TPP2: variants seen among roughly 807,000 people sequenced by gnomAD.
TPP2 encodes tripeptidyl-peptidase 2.
TPP2 carries 34 observed loss-of-function variants against 155.9 expected under a neutral mutation model. The ratio of observed to expected loss-of-function variants is 0.22; its 90% CI spans 0.17 to 0.29. The LOEUF (loss-of-function observed/expected upper bound fraction) is 0.29. TPP2 is among the 10% of genes least tolerant of loss of function. The probability of loss-of-function intolerance (pLI) is 1.00; values close to 1 mark genes in which losing one functional copy is unlikely to be tolerated. For synonymous variants in TPP2, 510 were observed against 529.4 expected (o/e 0.96, Z 0.50); for missense variants, 1,028 against 1,522.3 (o/e 0.68, Z 5.40).
At chr13:102,639,412 G>C (rs896186339) in intron 15 of TPP2, among the ~76,000 whole-genome samples, 2 of 152,138 alleles carry the variant, frequency 1.3e-5, no homozygotes, top group Admixed American at 6.6e-5. Flanking sequence ...GAAAAATTGT[G>C]CAACAGTTAA....
intron 27 of TPP2, among the ~76,000 whole-genome samples, chr13:102,673,261 C>T (rs10508093): frequency 0.08 from 12,186 of 152,154 alleles, 670 homozygotes; most frequent in African/African-American, 0.16. Flanking sequence ...TTTCCTACTG[C>T]GGATCCTTGT....
At chr13:102,669,737 A>G (rs1884844072) in intron 27 of TPP2, among the ~76,000 whole-genome samples, 1 of 149,384 alleles carries the variant, frequency 6.7e-6, no homozygotes, top group Non-Finnish European at 1.5e-5. Flanking sequence ...TGGTGGAAAC[A>G]TTGATGCGAA....
chr13:102,617,107 G>C lies in TPP2; in HGVS notation c.495+607G>C, dbSNP rs550440745. Among the ~76,000 whole-genome samples the C allele has an allele frequency of 1.4e-4, 21 of 151,690 alleles. No individual in the cohort carries two copies. In the South Asian group the frequency reaches 4.2e-3, roughly 30 times the overall value. ...TTTTTTGCATTTTTAGTAGAGACAG[G>C]GTTTCACCGTGTTGGCCAGGCTGGT... On this transcript the variant is annotated intron_variant, in intron 4 of 29. Coordinates refer to ENST00000376052, the MANE Select transcript of TPP2 (RefSeq NM_001330588.2).
intron 1 of TPP2, 22 bp downstream of exon 1, chr13:102,597,225 C>CGGGCGCGG (rs1233936909): frequency 1.9e-5 from 25 of 1,330,928 alleles, no homozygotes; most frequent in East Asian, 6.0e-5. Flanking sequence ...CCCGAGGGCC[C>CGGGCGCGG]GGGCGCGGGG....
chr13:102,598,544 G>C (rs979417557), intron 1 of TPP2, among the ~76,000 whole-genome samples: 1 of 152,150 alleles, frequency 6.6e-6, no homozygotes, highest in Admixed American at 6.5e-5. Context: ...AGTTGTCGTT[G>C]TATTAATAAC....
intron 14 of TPP2, among the ~76,000 whole-genome samples, chr13:102,637,453 A>G (rs1330662438): frequency 1.3e-5 from 2 of 152,200 alleles, no homozygotes; most frequent in Admixed American, 6.5e-5. Flanking sequence ...TGAATAAGTA[A>G]AAGGAAAGAA....
chr13:102,657,389 A>G lies in TPP2; in HGVS notation c.3143+182A>G, dbSNP rs1220412512. 2.0e-5 allele frequency among the ~76,000 whole-genome samples: 3 copies of G among 151,826 alleles called. No individual in the cohort carries two copies. In the East Asian group the frequency reaches 5.8e-4, roughly 29 times the overall value. ...TGTAATTTATTTAAATTATAAATAT[A>G]TAATTTTGTGATTAAATGTTTTAAT... is the stretch of plus-strand genomic sequence containing the variant. On this transcript the variant is annotated intron_variant, in intron 25 of 29. Transcript: ENST00000376052.
In TPP2 at chr13:102,643,280, C is replaced by T; in HGVS notation, c.2079C>T (p.Val693=). Residue 693 remains valine (V), a synonymous_variant, in exon 17 of 30, where the codon GTC becomes GTT. Transcript: ENST00000376052. ...CAGCAAAGTTTGTTCTACATGCAGT[C>T]CAGCTTGTGAAGCAAAGAGCATATC... ...EVSAKFVLHA[V]QLVKQRAYRS... is the part of the protein sequence containing the mutation. The T allele has an allele frequency of 1.2e-6, 2 of 1,612,260 alleles. No individual in the cohort carries two copies. Among genetic ancestry groups the T allele is most frequent in the South Asian group, 1.1e-5 (1 of 90,788 alleles).
chr13:102,616,708 G>A (rs1165175959), intron 4 of TPP2, among the ~76,000 whole-genome samples: 2 of 152,022 alleles, frequency 1.3e-5, no homozygotes, highest in Admixed American at 6.5e-5. Context: ...CATAATACAC[G>A]TAGGGTAAAA....
Position 102,663,729 on chromosome 13 carries a change from A to G in TPP2, c.3225A>G (p.Gln1075=), listed in dbSNP as rs1430859407. The G allele has an allele frequency of 5.0e-6, 8 of 1,600,518 alleles. No homozygotes were observed. Among genetic ancestry groups the G allele is most frequent in the African/African-American group, 1.3e-5 (1 of 74,244 alleles). Reference sequence around the variant, plus strand: ...CTCTGTACGTTGCACGACTTCATCAATTGGATGCTGAAAAGGTTAGACATG... The same window carrying G: ...CTCTGTACGTTGCACGACTTCATCAGTTGGATGCTGAAAAGGTTAGACATG... ...YLPLYVARLH[Q]LDAEKERMKR... Residue 1075 remains glutamine, a synonymous_variant, in exon 26 of 30, where the codon CAA becomes CAG. Coordinates refer to ENST00000376052, the MANE Select transcript of TPP2 (RefSeq NM_001330588.2).
intron 17 of TPP2, among the ~76,000 whole-genome samples, chr13:102,643,781 TTCATGTCTAAG>T (rs1176340602): frequency 6.6e-6 from 1 of 152,234 alleles, no homozygotes; most frequent in African/African-American, 2.4e-5. Flanking sequence ...CTGCTACTGC[TTCATGTCTAAG>T]TTATCTCAGA....
intron 1 of TPP2, among the ~76,000 whole-genome samples, chr13:102,601,481 A>C (rs1879425155): frequency 6.6e-6 from 1 of 152,132 alleles, no homozygotes; most frequent in African/African-American, 2.4e-5. Context: ...GAAGACATAC[A>C]CTAACTTAGA....
chr13:102,645,448 C>T (rs1477903349), intron 19 of TPP2, among the ~76,000 whole-genome samples: 1 of 152,200 alleles, frequency 6.6e-6, no homozygotes, highest in Admixed American at 6.5e-5. Context: ...GGCACCTTGA[C>T]CTGTGTTCAC....
rs1359301339 is a variant in TPP2, at chr13:102,597,229, C to T, written c.165+26C>T. On this transcript the variant is annotated intron_variant, in intron 1 of 29. Coordinates refer to ENST00000376052, the MANE Select transcript of TPP2 (RefSeq NM_001330588.2). ...GTGAGGCGGCCCCCGAGGGCCCGGG[C>T]GCGGGGGCGCGGGCGGCCGGGGACG... The T allele has an allele frequency of 6.2e-6, 8 of 1,294,792 alleles. No individual in the cohort carries two copies. The African/African-American group carries it at 6.2e-5, about 10-fold the overall frequency. The allele number at this position is 1,294,792 out of a possible 1,614,324, so 80.2% of individuals were successfully genotyped here.
chr13:102,599,296 A>G (rs1303981861), intron 1 of TPP2, among the ~76,000 whole-genome samples: 1 of 152,272 alleles, frequency 6.6e-6, no homozygotes, highest in Non-Finnish European at 1.5e-5. Context: ...AAATGAAAGC[A>G]TAAGTCTTCT....
chr13:102,649,472 C>T lies in TPP2; in HGVS notation c.2938C>T (p.Leu980=). ...AGSLTLSKTE[L]GKKAGQSAAK... ...ATCCTTAACATTGTCAAAGACTGAA[C>T]TAGGAAAGAAAGCTGTAAGTATTAG... Residue 980 remains leucine (L), a synonymous_variant, in exon 23 of 30, where the codon CTA becomes TTA. Coordinates refer to ENST00000376052, the MANE Select transcript of TPP2 (RefSeq NM_001330588.2). The T allele has an allele frequency of 6.2e-7, 1 of 1,611,716 alleles. No homozygotes were observed. Among genetic ancestry groups the T allele is most frequent in the Non-Finnish European group, 8.5e-7 (1 of 1,178,964 alleles).
intron 11 of TPP2, 101 bp downstream of exon 11, chr13:102,634,199 G>A: frequency 1.3e-6 from 2 of 1,492,424 alleles, no homozygotes; most frequent in East Asian, 2.3e-5. Flanking sequence ...TAATTCCCTG[G>A]GCACAAAGTA....
chr13:102,609,392 C>CTTT (rs34845674), intron 2 of TPP2, among the ~76,000 whole-genome samples: 15,482 of 79,632 alleles, frequency 0.19, 2,204 homozygotes, highest in African/African-American at 0.22. Context: ...AAGTGCCATG[C>CTTT]TTTTTTTTTT....
At position 102,644,942 on chromosome 13, in the gene TPP2, C is replaced by G. The variant is rs1475774294; in HGVS notation, c.2326C>G (p.Gln776Glu). The G allele has an allele frequency of 6.2e-7, 1 of 1,614,030 alleles. No individual in the cohort carries two copies. Among genetic ancestry groups the G allele is most frequent in the South Asian group, 1.1e-5 (1 of 91,076 alleles). Residue 776 changes from glutamine (Q) to glutamate (E), a missense_variant, in exon 19 of 30, where the codon CAG becomes GAG. Gln to Glu is a conservative substitution (Grantham distance 29). Transcript: ENST00000376052. The stretch of plus-strand genomic sequence containing the variant: ...GGAAGGAATCAACCGCTTTGATGTT[C>G]AGTCCTCCTTGAAATACGAAGATCT... Reference protein sequence around the residue: ...ASEGINRFDVQSSLKYEDLAP... With the variant: ...ASEGINRFDVESSLKYEDLAP...
Sources: gnomAD v4.1 joint callset for allele counts (sites outside exome capture counted in the v4.1 genomes callset) on GRCh38, gnomAD v4.1.1 for gene constraint, MANE v1.5 for transcripts, NCBI Gene and HGNC (gene_info 2026-07-23, HGNC 2026-07-21) for gene names.